Variants in FRMPD4 observed in about 807,000 individuals in gnomAD.
FRMPD4 encodes the protein FERM and PDZ domain containing 4, also known as FERM and PDZ domain-containing protein 4.
FRMPD4 carries 22 observed loss-of-function variants against 94.1 expected under a neutral mutation model. That is an observed-to-expected ratio of 0.23 (90% CI 0.17 to 0.33). FRMPD4 has a LOEUF of 0.33. Among genes scored for constraint, FRMPD4 ranks in the 10% least tolerant of loss-of-function variants. The pLI is 1.00. For missense variants in FRMPD4, 1,111 were observed against 1,339.9 expected, an observed-to-expected ratio of 0.83 and a Z score of 2.67; for synonymous variants, 631 against 548.6, an observed-to-expected ratio of 1.15 and a Z score of -2.10.
chrX:12,498,586 A>G (rs2057878141), intron 1 of FRMPD4, 94 bp from the exon 2 acceptor site: 1 of 578,470 alleles, frequency 1.7e-6, no homozygotes, highest in African/African-American at 2.2e-5. Context: ...TGCCCAATCT[A>G]AGAGGAGCAA....
At chrX:12,287,665 A>G (rs1298305407) in intron 1 of FRMPD4, among the ~76,000 whole-genome samples, 1 of 112,005 alleles carries the variant, frequency 8.9e-6, no homozygotes, top group Non-Finnish European at 1.9e-5. Flanking sequence ...CCAAGTGTCA[A>G]GTTATTGTAG....
intron 1 of FRMPD4, among the ~76,000 whole-genome samples, chrX:12,423,302 T>C (rs2056908329): frequency 9.0e-6 from 1 of 111,568 alleles, no homozygotes; most frequent in African/African-American, 3.3e-5. Flanking sequence ...AATCTGTTGG[T>C]ACATGATTTC....
chrX:12,699,077 GATTT>G (rs2060162326), intron 9 of FRMPD4, among the ~76,000 whole-genome samples: 1 of 111,949 alleles, frequency 8.9e-6, no homozygotes, highest in South Asian at 3.7e-4. Context: ...TGAAGAAAAT[GATTT>G]ATCAAAATGA....
At chrX:12,339,772 A>T (rs1463018765) in intron 1 of FRMPD4, among the ~76,000 whole-genome samples, 1 of 111,107 alleles carries the variant, frequency 9.0e-6, no homozygotes, top group Non-Finnish European at 1.9e-5. Flanking sequence ...ACATGCCACC[A>T]TGCCTGGCTA....
chrX:11,920,790 G>C (rs1290935832), intron 3 of FRMPD4, among the ~76,000 whole-genome samples: 1 of 111,855 alleles, frequency 8.9e-6, no homozygotes, highest in Non-Finnish European at 1.9e-5. Flanking sequence ...TATGCCACCA[G>C]CCTCTTTCCT....
intron 1 of FRMPD4, among the ~76,000 whole-genome samples, chrX:12,346,539 G>A (rs1645684219): frequency 9.0e-6 from 1 of 111,405 alleles, no homozygotes; most frequent in South Asian, 3.8e-4. Flanking sequence ...GAGAACCGCT[G>A]CGTAGATTAT....
At chrX:12,423,141 C>T (rs2056905105) in intron 1 of FRMPD4, among the ~76,000 whole-genome samples, 1 of 110,762 alleles carries the variant, frequency 9.0e-6, no homozygotes, top group Admixed American at 9.7e-5. Context: ...AGCAAAACAC[C>T]TCTTAAAAAT....
At chrX:12,518,720 G>GA (rs1381118785) in intron 2 of FRMPD4, among the ~76,000 whole-genome samples, 1 of 111,158 alleles carries the variant, frequency 9.0e-6, no homozygotes, top group African/African-American at 3.3e-5. Context: ...TTAGGCAAGG[G>GA]AAAAAAATAA....
intron 1 of FRMPD4, among the ~76,000 whole-genome samples, chrX:12,430,625 T>G (rs2057000140): frequency 8.9e-6 from 1 of 111,794 alleles, no homozygotes; most frequent in African/African-American, 3.3e-5. Context: ...CTTTTCCTGG[T>G]GCCAAGGCCA....
intron 9 of FRMPD4, 100 bp downstream of exon 9, chrX:12,694,554 C>T: frequency 1.7e-6 from 1 of 588,556 alleles, no homozygotes; most frequent in Non-Finnish European, 2.8e-6. Context: ...TCTTTTTTGT[C>T]CCCCACCTCA....
rs745780754 is a variant in FRMPD4 at position 12,322,575 on chromosome X, G to A, written c.42-176105G>A. ...GGGGCAAATTTGGGAGGGTACAGGA[G>A]CCAGGTCATTCAGGGCCTTGTAGGT... On this transcript the variant is annotated intron_variant, in intron 1 of 16. Transcript: ENST00000675598. Among the ~76,000 whole-genome samples, 3 of 110,334 alleles carry A rather than the reference G, an allele frequency of 2.7e-5. No homozygotes were observed. In the East Asian group the frequency reaches 8.6e-4, roughly 31 times the overall value.
At chrX:12,676,554 T>C (rs1327087734) in intron 5 of FRMPD4, among the ~76,000 whole-genome samples, 2 of 112,402 alleles carry the variant, frequency 1.8e-5, no homozygotes, top group African/African-American at 6.5e-5. Flanking sequence ...TGTGTTTTGT[T>C]TTTTGTTTGT....
chrX:12,199,021 G>C (rs1461501957), intron 1 of FRMPD4, among the ~76,000 whole-genome samples: 2 of 110,778 alleles, frequency 1.8e-5, no homozygotes, highest in Non-Finnish European at 3.8e-5. Flanking sequence ...ACAGATGCAA[G>C]TTTTTTTTAA....
chrX:11,825,744 C>A (rs997098967), intron 1 of FRMPD4, among the ~76,000 whole-genome samples: 1 of 111,987 alleles, frequency 8.9e-6, no homozygotes, highest in African/African-American at 3.2e-5. Flanking sequence ...ACGTCAATTT[C>A]CTCATTTTGA....
chrX:11,975,556 C>A (rs1282237215), intron 3 of FRMPD4, among the ~76,000 whole-genome samples: 1 of 112,158 alleles, frequency 8.9e-6, no homozygotes, highest in Non-Finnish European at 1.9e-5. Flanking sequence ...CTACTATTGC[C>A]TCATTGTGAA....
intron 1 of FRMPD4, among the ~76,000 whole-genome samples, chrX:11,829,876 TCAAA>T (rs1050992401): frequency 8.9e-6 from 1 of 112,253 alleles, no homozygotes; most frequent in African/African-American, 3.2e-5. Context: ...TCTGTTTAAA[TCAAA>T]CAAAACTATA....
intron 1 of FRMPD4, among the ~76,000 whole-genome samples, chrX:12,423,561 G>A (rs2056911255): frequency 8.9e-6 from 1 of 111,798 alleles, no homozygotes; most frequent in South Asian, 3.7e-4. Context: ...CCCAAGTGAG[G>A]GTGGGGGTGC....
chrX:12,422,057 A>G (rs1350735951), intron 1 of FRMPD4, among the ~76,000 whole-genome samples: 1 of 112,374 alleles, frequency 8.9e-6, no homozygotes. Flanking sequence ...TTGGTATGTA[A>G]AACATTTCCT....
In FRMPD4 at chrX:12,166,573, A is replaced by G. The variant is rs61559657; in HGVS notation, c.41+27561A>G. On this transcript the variant is annotated intron_variant, in intron 1 of 16. Transcript: ENST00000675598. ...GGATGATGCTGGCCTCATAAAATGAATTAGGGAGGATTCCATCTTTTTCTA... is the reference window on the plus strand; with the variant it reads ...GGATGATGCTGGCCTCATAAAATGAGTTAGGGAGGATTCCATCTTTTTCTA... Among the ~76,000 whole-genome samples, 583 of 111,427 alleles carry G rather than the reference A, an allele frequency of 5.2e-3. 2 individuals are homozygous for G. Among genetic ancestry groups the G allele is most frequent in the African/African-American group, 0.018 (553 of 30,581 alleles).
Sources: gnomAD v4.1 joint callset for allele counts (sites outside exome capture counted in the v4.1 genomes callset) on GRCh38, gnomAD v4.1.1 for gene constraint, MANE v1.5 for transcripts, NCBI Gene and HGNC (gene_info 2026-07-23, HGNC 2026-07-21) for gene names.